C19orf18: variants seen among roughly 807,000 people sequenced by gnomAD.
C19orf18 encodes chromosome 19 open reading frame 18, also known as uncharacterized protein C19orf18.
A neutral mutation model predicts 23.3 loss-of-function variants in C19orf18; 21 were observed. The observed-to-expected ratio is 0.90, with a 90% CI of 0.64 to 1.30. C19orf18 has a LOEUF of 1.30. C19orf18 is among the 50% of genes most tolerant of loss of function. The pLI is 0.00. For missense variants in C19orf18, 249 were observed against 259.6 expected (o/e 0.96, Z 0.28); for synonymous variants, 96 against 95.2 (o/e 1.01, Z -0.05).
chr19:57,959,672 G>A (rs753579699), intron 5 of C19orf18, among the ~76,000 whole-genome samples: 22 of 151,522 alleles, frequency 1.5e-4, no homozygotes, highest in Non-Finnish European at 2.8e-4. Flanking sequence ...GACATGCACC[G>A]TAGTCCCAGC....
At chr19:57,969,420 T>C (rs1241593401) in intron 3 of C19orf18, among the ~76,000 whole-genome samples, 3 of 149,098 alleles carry the variant, frequency 2.0e-5, no homozygotes, top group Non-Finnish European at 3.0e-5. Context: ...CCGGGTGTGG[T>C]GGTGCACACC....
At chr19:57,960,802 AGGTTC>A (rs1555786885) in intron 5 of C19orf18, among the ~76,000 whole-genome samples, 1 of 152,208 alleles carries the variant, frequency 6.6e-6, no homozygotes, top group Non-Finnish European at 1.5e-5. Flanking sequence ...TTGATGAGAA[AGGTTC>A]ATTTCCGTAA....
At chr19:57,970,586 ATTTT>A (rs879729462) in intron 3 of C19orf18, among the ~76,000 whole-genome samples, 1 of 145,950 alleles carries the variant, frequency 6.9e-6, no homozygotes, top group African/African-American at 2.5e-5. Context: ...TTTCCATATA[ATTTT>A]TTTTTTTTTG....
At chr19:57,963,187 T>C (rs2072885524) in intron 4 of C19orf18, among the ~76,000 whole-genome samples, 1 of 151,712 alleles carries the variant, frequency 6.6e-6, no homozygotes, top group South Asian at 2.1e-4. Flanking sequence ...CCACCATGCC[T>C]GGCTAATTTT....
chr19:57,972,844 G>A (rs1248875907), intron 2 of C19orf18, among the ~76,000 whole-genome samples: 1 of 152,118 alleles, frequency 6.6e-6, no homozygotes, highest in Non-Finnish European at 1.5e-5. Context: ...GAGACTTAGA[G>A]TTGAAGGGGC....
intron 2 of C19orf18, among the ~76,000 whole-genome samples, chr19:57,972,891 A>C (rs1352364495): frequency 1.3e-5 from 2 of 152,150 alleles, no homozygotes; most frequent in Admixed American, 6.6e-5. Flanking sequence ...GGTTGGGCAC[A>C]GTGGCTCATG....
At chr19:57,961,091 C>T (rs1310216344) in intron 5 of C19orf18, among the ~76,000 whole-genome samples, 1 of 151,724 alleles carries the variant, frequency 6.6e-6, no homozygotes, top group African/African-American at 2.4e-5. Flanking sequence ...AAAAATTAGC[C>T]GGGCATGGTG....
intron 5 of C19orf18, among the ~76,000 whole-genome samples, chr19:57,960,516 T>G (rs1446052181): frequency 6.6e-6 from 1 of 151,700 alleles, no homozygotes; most frequent in Non-Finnish European, 1.5e-5. Flanking sequence ...AACATGTCTG[T>G]GGTGGGCATG....
intron 4 of C19orf18, 116 bp from the exon 5 acceptor site, chr19:57,961,667 A>C: frequency 8.7e-7 from 1 of 1,150,738 alleles, no homozygotes; most frequent in Non-Finnish European, 1.2e-6. Flanking sequence ...TGCAGACATA[A>C]GACTTTGAAA....
At position 57,961,547 on chromosome 19, in the gene C19orf18, G is replaced by T; in HGVS notation, c.376C>A (p.Leu126Met). Residue 126 changes from leucine to methionine, a missense_variant, in exon 5 of 6, where the codon CTG becomes ATG. Transcript: ENST00000314391. ...TGTTGTCTTTCCTCAGCCTGTGCCA[G>T]TCGACTGGAGAATGATATAAATGAA... ...GMAISYMIYR[L>M]AQAEERQQLE... The T allele has an allele frequency of 6.2e-7, 1 of 1,609,656 alleles. No individual in the cohort carries two copies. The highest frequency in any genetic ancestry group is 8.5e-7 in the Non-Finnish European group (1 of 1,178,906).
intron 3 of C19orf18, among the ~76,000 whole-genome samples, chr19:57,969,255 T>A (rs1460231524): frequency 6.6e-6 from 1 of 152,106 alleles, no homozygotes; most frequent in East Asian, 1.9e-4. Context: ...TTCAACACTC[T>A]AGGTTAAAAA....
intron 3 of C19orf18, among the ~76,000 whole-genome samples, chr19:57,969,566 GAAAAAAAAAAAAAA>G (rs59100128): frequency 7.5e-4 from 35 of 46,504 alleles, no homozygotes; most frequent in African/African-American, 1.7e-3. Context: ...AAAAAAAACA[GAAAAAAAAAAAAAA>G]AAAAAAAAAA....
intron 4 of C19orf18, among the ~76,000 whole-genome samples, chr19:57,965,134 T>TTTATTTAC (rs2072900200): frequency 2.0e-5 from 3 of 150,892 alleles, no homozygotes; most frequent in Non-Finnish European, 4.4e-5. Flanking sequence ...TATTTATTTA[T>TTTATTTAC]TTATTTATTT....
chr19:57,959,295 C>G (rs565370570), intron 5 of C19orf18, among the ~76,000 whole-genome samples: 1 of 152,230 alleles, frequency 6.6e-6, no homozygotes, highest in Admixed American at 6.5e-5. Flanking sequence ...TTGTGACCAA[C>G]CTGGGCAACA....
At chr19:57,969,584 AAAAAAAAAAAAAC>A (rs2072931618) in intron 3 of C19orf18, among the ~76,000 whole-genome samples, 3 of 141,846 alleles carry the variant, frequency 2.1e-5, no homozygotes, top group Non-Finnish European at 4.8e-5. Context: ...AAAAAAAAAA[AAAAAAAAAAAAAC>A]CAAGAAAAAA....
chr19:57,974,041 A>AT, intron 2 of C19orf18, 58 bp downstream of exon 2: 1 of 1,526,170 alleles, frequency 6.6e-7, no homozygotes, highest in East Asian at 2.3e-5. Context: ...CACATGGCAG[A>AT]TAAGAGGACT....
chr19:57,962,236 T>C (rs2072878752), intron 4 of C19orf18, among the ~76,000 whole-genome samples: 1 of 151,964 alleles, frequency 6.6e-6, no homozygotes, highest in Non-Finnish European at 1.5e-5. Context: ...TGCGTCTTGC[T>C]ATGTTGCCCA....
chr19:57,958,785 G>T, intron 5 of C19orf18, 68 bp from the exon 6 acceptor site: 1 of 846,658 alleles, frequency 1.2e-6, no homozygotes, highest in Non-Finnish European at 1.8e-6. Flanking sequence ...CAAAAGGGGT[G>T]AGGGAAAAAG....
intron 3 of C19orf18, among the ~76,000 whole-genome samples, chr19:57,967,974 T>C (rs1202774670): frequency 1.3e-5 from 2 of 152,162 alleles, no homozygotes; most frequent in Non-Finnish European, 2.9e-5. Context: ...ATCGTGCCAC[T>C]GCACTCCAGC....
Sources: allele counts gnomAD v4.1 joint callset (sites outside exome capture counted in the v4.1 genomes callset), GRCh38; gene constraint gnomAD v4.1.1; transcripts MANE v1.5; gene names NCBI Gene and HGNC (gene_info 2026-07-23, HGNC 2026-07-21).